Variants in DEPDC5 observed in about 807,000 individuals in gnomAD.
DEPDC5 encodes GATOR1 complex protein DEPDC5.
Under a neutral mutation model 217.3 loss-of-function variants are expected in DEPDC5, and 73 were observed. The ratio of observed to expected loss-of-function variants is 0.34; its 90% CI spans 0.28 to 0.41. The LOEUF (loss-of-function observed/expected upper bound fraction) is 0.41, where lower values mean the gene tolerates loss of function less well. Among genes scored for constraint, DEPDC5 ranks in the 10% least tolerant of loss-of-function variants. The probability of loss-of-function intolerance (pLI) is 1.00; values close to 1 mark genes in which losing one functional copy is unlikely to be tolerated. For synonymous variants in DEPDC5, 733 were observed against 756.7 expected (o/e 0.97, Z 0.51); for missense variants, 1,675 against 2,070.1 (o/e 0.81, Z 3.70).
At chr22:31,802,651 G>A (rs1556611838) in intron 14 of DEPDC5, 53 bp from the exon 15 acceptor site, 1 of 1,456,260 alleles carries the variant, frequency 6.9e-7, no homozygotes, top group South Asian at 1.5e-5. Context: ...GTCTGTGACA[G>A]GGTTCTGAAA....
chr22:31,905,868 GA>G, intron 41 of DEPDC5, 115 bp from the exon 42 acceptor site: 1 of 900,088 alleles, frequency 1.1e-6, no homozygotes, highest in Non-Finnish European at 1.7e-6. Flanking sequence ...TCTGGAAAGA[GA>G]TCTTTCCAGA....
intron 33 of DEPDC5, among the ~76,000 whole-genome samples, chr22:31,869,184 G>A (rs1331618053): frequency 6.6e-6 from 1 of 151,430 alleles, no homozygotes; most frequent in African/African-American, 2.4e-5. Context: ...GTTACAGTGA[G>A]ATGTGATGGC....
At chr22:31,792,466 T>A (rs1394752976) in intron 11 of DEPDC5, among the ~76,000 whole-genome samples, 1 of 151,592 alleles carries the variant, frequency 6.6e-6, no homozygotes, top group Non-Finnish European at 1.5e-5. Context: ...ATTAGCCAGG[T>A]GTGGTGGCAT....
At chr22:31,769,396 A>AT (rs2083130966) in intron 7 of DEPDC5, 7 of 152,024 alleles carry the variant, frequency 4.6e-5, no homozygotes, top group Non-Finnish European at 1.5e-5. Context: ...GAAAAAAAAA[A>AT]GGAGATAGAG....
intron 34 of DEPDC5, among the ~76,000 whole-genome samples, chr22:31,872,946 GA>G (rs2092889346): frequency 6.6e-6 from 1 of 151,912 alleles, no homozygotes; most frequent in Non-Finnish European, 1.5e-5. Context: ...GTAGAGACGG[GA>G]TTTCACTATG....
At chr22:31,766,103 C>A (rs962696783) in intron 5 of DEPDC5, among the ~76,000 whole-genome samples, 6 of 152,174 alleles carry the variant, frequency 3.9e-5, no homozygotes, top group African/African-American at 1.2e-4. Flanking sequence ...GCATTTAAAA[C>A]CCACCACCAC....
In DEPDC5 at chr22:31,800,323, G is replaced by T. The variant is rs549252175; in HGVS notation, c.946+1667G>T. ...CCCCTATTCAAGATGGAGTTGCTCT[G>T]GTTCAAAGGCCTCTGACAGCTATGC... is the stretch of plus-strand genomic sequence containing the variant. On this transcript the variant is annotated intron_variant, in intron 14 of 42. Transcript: ENST00000651528. 3.3e-5 allele frequency among the ~76,000 whole-genome samples: 5 copies of T among 152,226 alleles called. No homozygotes were observed. In the East Asian group the frequency reaches 9.7e-4, roughly 29 times the overall value.
At position 31,783,365 on chromosome 22, in the gene DEPDC5, C is replaced by G. The variant is rs1171949428; in HGVS notation, c.484-542C>G. Among the ~76,000 whole-genome samples, 3 of 152,140 alleles carry G rather than the reference C, an allele frequency of 2.0e-5. No individual in the cohort carries two copies. In the East Asian group the frequency reaches 5.8e-4, roughly 29 times the overall value. Reference sequence around the variant, plus strand: ...AGCTGTTAACACTCACCATGAAGGTCCGCAGCTTCATTCTTGAAGTCAGTG... The same window carrying G: ...AGCTGTTAACACTCACCATGAAGGTGCGCAGCTTCATTCTTGAAGTCAGTG... On this transcript the variant is annotated intron_variant, in intron 8 of 42. Transcript: ENST00000651528.
At chr22:31,891,327 T>C in intron 38 of DEPDC5, 1 of 390,910 alleles carries the variant, frequency 2.6e-6, no homozygotes. Flanking sequence ...CTTTATCAAC[T>C]CATCCTTTCA....
chr22:31,894,905 G>A (rs1298251555), intron 39 of DEPDC5: 2 of 151,732 alleles, frequency 1.3e-5, no homozygotes, highest in East Asian at 3.9e-4. Flanking sequence ...GTAATCCCGG[G>A]CCGAGGCAGG....
intron 31 of DEPDC5, among the ~76,000 whole-genome samples, chr22:31,847,619 A>G (rs1309525856): frequency 6.6e-6 from 1 of 152,208 alleles, no homozygotes; most frequent in Non-Finnish European, 1.5e-5. Context: ...ACTCACTATC[A>G]TGAGAACAGC....
chr22:31,838,969 A>G, intron 27 of DEPDC5, 124 bp downstream of exon 27: 2 of 1,085,516 alleles, frequency 1.8e-6, no homozygotes, highest in East Asian at 5.1e-5. Context: ...AGTTTTCTTT[A>G]TAAATTCTAC....
intron 38 of DEPDC5, among the ~76,000 whole-genome samples, chr22:31,891,984 C>A (rs879896689): frequency 7.2e-5 from 11 of 152,212 alleles, no homozygotes; most frequent in Non-Finnish European, 1.2e-4. Flanking sequence ...GGTACTCACC[C>A]AGCATCCTTG....
chr22:31,781,908 A>G (rs1011998080), intron 8 of DEPDC5, among the ~76,000 whole-genome samples: 3 of 151,836 alleles, frequency 2.0e-5, no homozygotes, highest in Non-Finnish European at 4.4e-5. Flanking sequence ...GCCCACACCT[A>G]TAATCTCAGC....
chr22:31,758,347 C>T (rs2082106103), intron 2 of DEPDC5, among the ~76,000 whole-genome samples, 199 bp from the exon 3 acceptor site: 1 of 152,108 alleles, frequency 6.6e-6, no homozygotes, highest in East Asian at 1.9e-4. Context: ...GGTACCTGAG[C>T]GCCATCCCAC....
chr22:31,815,924 T>C, intron 21 of DEPDC5: 1 of 1,013,518 alleles, frequency 9.9e-7, no homozygotes, highest in Non-Finnish European at 1.2e-6. Context: ...TTCTTAGGCC[T>C]AGGGTCAAAA....
At chr22:31,772,071 A>G in intron 7 of DEPDC5, among the ~76,000 whole-genome samples, 1 of 151,974 alleles carries the variant, frequency 6.6e-6, no homozygotes, top group Non-Finnish European at 1.5e-5. Flanking sequence ...TGGCTAAAAT[A>G]ACAATAAAAA....
chr22:31,853,853 A>G (rs5998145), intron 31 of DEPDC5, among the ~76,000 whole-genome samples: 3,780 of 152,210 alleles, frequency 0.025, 54 homozygotes, highest in African/African-American at 0.039. Flanking sequence ...ATGGACATTC[A>G]TGTTCTGTCC....
intron 27 of DEPDC5, among the ~76,000 whole-genome samples, chr22:31,839,217 C>T (rs548984681): frequency 5.4e-4 from 82 of 152,230 alleles, no homozygotes; most frequent in Non-Finnish European, 9.9e-4. Flanking sequence ...CAGATGTTAC[C>T]TAAACCTGAA....
Sources: allele counts gnomAD v4.1 joint callset (sites outside exome capture counted in the v4.1 genomes callset), GRCh38; gene constraint gnomAD v4.1.1; transcripts MANE v1.5; gene names NCBI Gene and HGNC (gene_info 2026-07-23, HGNC 2026-07-21).